The following ITGB4 variants were observed in gnomAD, a reference collection of about 807,000 sequenced individuals.
ITGB4 encodes integrin beta-4.
In ITGB4, 159 loss-of-function variants were observed where a neutral mutation model predicts 207.6. That is an observed-to-expected ratio of 0.77 (90% CI 0.67 to 0.87). The LOEUF (loss-of-function observed/expected upper bound fraction) is 0.87. Among genes scored for constraint, ITGB4 ranks in the 40% least tolerant of loss-of-function variants. The pLI is 0.00. For synonymous variants in ITGB4, 1,020 were observed against 1,062.7 expected, an observed-to-expected ratio of 0.96 and a Z score of 0.78; for missense variants, 2,278 against 2,546.8, an observed-to-expected ratio of 0.89 and a Z score of 2.27.
chr17:75,750,973 G>A lies in ITGB4; in HGVS notation c.3656-1G>A. 6.2e-7 allele frequency: 1 copy of A among 1,613,664 alleles called. No homozygotes were observed. The highest frequency in any genetic ancestry group is 8.5e-7 in the Non-Finnish European group (1 of 1,180,026). On this transcript the variant is annotated splice_acceptor_variant, in intron 29 of 39. Transcript: ENST00000200181. LOFTEE classifies it high-confidence loss of function. This position sits in a 1 kb window ranked among gnomAD's most constrained non-coding sequence, Gnocchi z 5.5. ...CTCTTCCTGTATTCCCCGCTCCCTA[G>A]TGCCCAGCGAGCCAGGGCGTCTGGC...
chr17:75,745,605 G>A (rs942508143), intron 26 of ITGB4, among the ~76,000 whole-genome samples: 19 of 152,030 alleles, frequency 1.2e-4, no homozygotes, highest in African/African-American at 4.3e-4. Flanking sequence ...AAGGCCAGGC[G>A]AGGTGGCGTA....
rs746768965 is a variant in ITGB4, at chr17:75,752,591, T to C, written c.4108+14T>C. 3 of 1,613,272 alleles carry C rather than the reference T, an allele frequency of 1.9e-6. No individual in the cohort carries two copies. Among genetic ancestry groups the C allele is most frequent in the Non-Finnish European group, 1.7e-6 (2 of 1,179,890 alleles). On this transcript the variant is annotated intron_variant, in intron 32 of 39. Coordinates refer to ENST00000200181, the MANE Select transcript of ITGB4 (RefSeq NM_000213.5). Reference sequence around the variant, plus strand: ...CCGATGACACTGGTGAGTGGAGACCTGGGACCCACAAGAGGACAGTGGGGG... The same window carrying C: ...CCGATGACACTGGTGAGTGGAGACCCGGGACCCACAAGAGGACAGTGGGGG...
chr17:75,747,914 C>T (rs938495794), intron 26 of ITGB4, among the ~76,000 whole-genome samples: 1 of 152,182 alleles, frequency 6.6e-6, no homozygotes, highest in African/African-American at 2.4e-5. Flanking sequence ...GTCTCACTTT[C>T]TGAGTTGGGT....
chr17:75,744,047 C>CA (rs1297620610), intron 26 of ITGB4, among the ~76,000 whole-genome samples, 186 bp downstream of exon 26: 11 of 151,994 alleles, frequency 7.2e-5, no homozygotes, highest in Admixed American at 6.5e-5. Flanking sequence ...TCTCACCTGC[C>CA]CAGGGTGCCA....
Position 75,740,553 on chromosome 17 carries a change from A to T in ITGB4, c.2550+92A>T. 1 of 1,126,612 alleles carries T rather than the reference A, an allele frequency of 8.9e-7. No homozygotes were observed. The highest frequency in any genetic ancestry group is 1.9e-5 in the Admixed American group (1 of 53,526). The allele number at this position is 1,126,612 out of a possible 1,614,324, so 69.8% of individuals were successfully genotyped here. On this transcript the variant is annotated intron_variant, in intron 21 of 39. Coordinates refer to ENST00000200181, the MANE Select transcript of ITGB4 (RefSeq NM_000213.5). The surrounding 1 kb of genome is among the most constrained non-coding windows in gnomAD (Gnocchi z 5.9). ...GAGCGAATGCGGTCGTGGTACCGAG[A>T]TTCATTAACTAGGGGAGAGGGGTCT...
Position 75,740,780 on chromosome 17 carries a change from C to T in ITGB4, c.2551-13C>T. 2 of 1,612,762 alleles carry T rather than the reference C, an allele frequency of 1.2e-6. No individual in the cohort carries two copies. The highest frequency in any genetic ancestry group is 1.7e-6 in the Non-Finnish European group (2 of 1,179,892). ...GCCTAGGCCCAGCCTCACGCCCCTC[C>T]CTTGCCTGGCAGCTGAACGAGGTCT... On this transcript the variant is annotated splice_polypyrimidine_tract_variant and intron_variant, in intron 21 of 39. Transcript: ENST00000200181. The surrounding 1 kb of genome is among the most constrained non-coding windows in gnomAD (Gnocchi z 5.9).
At chr17:75,743,482 C>T (rs2061163178) in intron 25 of ITGB4, among the ~76,000 whole-genome samples, 1 of 152,224 alleles carries the variant, frequency 6.6e-6, no homozygotes, top group Admixed American at 6.5e-5. Flanking sequence ...ATCCACCTGC[C>T]TCAGCCTCCC....
At chr17:75,734,540 A>T (rs931082328) in intron 13 of ITGB4, among the ~76,000 whole-genome samples, 1 of 152,182 alleles carries the variant, frequency 6.6e-6, no homozygotes, top group East Asian at 1.9e-4. Flanking sequence ...CTGGCCAGGA[A>T]CATCAGAGCT....
In ITGB4 at chr17:75,732,311, G is replaced by A; in HGVS notation, c.1454+72G>A. 2.7e-6 allele frequency: 4 copies of A among 1,459,302 alleles called. No homozygotes were observed. The highest frequency in any genetic ancestry group is 2.3e-5 in the East Asian group (1 of 44,126). The allele number at this position is 1,459,302 out of a possible 1,614,324, so 90.4% of individuals were successfully genotyped here. ...ATGGGAAAGCTGGGCTCCTGCAGGGGCCTGGCCCTGGGTGCACCTTGTACA... is the reference window on the plus strand; with the variant it reads ...ATGGGAAAGCTGGGCTCCTGCAGGGACCTGGCCCTGGGTGCACCTTGTACA... On this transcript the variant is annotated intron_variant, in intron 12 of 39. Coordinates refer to ENST00000200181, the MANE Select transcript of ITGB4 (RefSeq NM_000213.5). The surrounding 1 kb of genome is among the most constrained non-coding windows in gnomAD (Gnocchi z 5.3).
intron 34 of ITGB4, chr17:75,755,248 G>T: frequency 6.3e-7 from 1 of 1,585,486 alleles, no homozygotes. Flanking sequence ...CTCCACAGCT[G>T]TCCTGCTCCA....
intron 13 of ITGB4, among the ~76,000 whole-genome samples, chr17:75,734,993 C>T (rs554303937): frequency 3.3e-5 from 5 of 152,332 alleles, no homozygotes; most frequent in South Asian, 2.1e-4. Flanking sequence ...CCTTGCTAAA[C>T]GCACTTATGA....
At chr17:75,746,038 T>C (rs1188611153) in intron 26 of ITGB4, among the ~76,000 whole-genome samples, 1 of 152,154 alleles carries the variant, frequency 6.6e-6, no homozygotes, top group Non-Finnish European at 1.5e-5. Context: ...GGAACTGTTC[T>C]CATTATTTTT....
chr17:75,755,981 TGA>T lies in ITGB4; in HGVS notation c.4708+135_4708+136del, dbSNP rs1400113375. On this transcript the variant is annotated intron_variant, in intron 35 of 39. Coordinates refer to ENST00000200181, the MANE Select transcript of ITGB4 (RefSeq NM_000213.5). ...TGAGCGCTAAAGCCCCCATCCAGCC[TGA>T]GAGGGTCTCCCACCCCATTCTCCAC... 18 of 1,131,742 alleles carry T rather than the reference TGA, an allele frequency of 1.6e-5. No individual in the cohort carries two copies. In the East Asian group the frequency reaches 4.4e-4, roughly 28 times the overall value. 70.1% of individuals were successfully genotyped at this position (1,131,742 alleles called of 1,614,324 possible).
In ITGB4 at chr17:75,727,436, G is replaced by A. The variant is rs372797886; in HGVS notation, c.195G>A (p.Ala65=). 2.5e-5 allele frequency: 41 copies of A among 1,613,850 alleles called. No individual in the cohort carries two copies. The highest frequency in any genetic ancestry group is 3.3e-5 in the South Asian group (3 of 91,092). Reference sequence around the variant, plus strand: ...GGGACCGGCGCTGCAACACCCAGGCGGAGCTGCTGGCCGCGGGCTGCCAGC... The same window carrying A: ...GGGACCGGCGCTGCAACACCCAGGCAGAGCTGCTGGCCGCGGGCTGCCAGC... ...MFRDRRCNTQ[A]ELLAAGCQRE... The change falls in exon 4 of 40, where the codon GCG becomes GCA. Residue 65 remains alanine (A), a synonymous_variant. Transcript: ENST00000200181. The surrounding 1 kb of genome is among the most constrained non-coding windows in gnomAD (Gnocchi z 6.0).
rs757228029 is a variant in ITGB4, at chr17:75,733,649, T to G, written c.1614T>G (p.Tyr538Ter). The G allele has an allele frequency of 1.9e-6, 3 of 1,614,204 alleles. No individual in the cohort carries two copies. The highest frequency in any genetic ancestry group is 2.5e-6 in the Non-Finnish European group (3 of 1,180,030). Residue 538 changes from tyrosine to a stop codon, truncating the protein, a stop_gained, in exon 13 of 40, where the codon TAT becomes TAG. Transcript: ENST00000200181. LOFTEE classifies it high-confidence loss of function. ...GCTACGAGGGTCAGTTCTGCGAGTA[T>G]GACAACTTCCAGTGTCCCCGCACTT... ...EGRYEGQFCE[Y>*]DNFQCPRTSG...
chr17:75,730,502 G>A lies in ITGB4; in HGVS notation c.1000G>A (p.Glu334Lys), dbSNP rs1247780663. ...CACCAACTACTCCTATAGCTACTAC[G>A]AGGTGCGGGGCCCAGGTCCCACGGG... is the stretch of plus-strand genomic sequence containing the variant. The part of the protein sequence containing the change: ...AVTNYSYSYY[E>K]KLHTYFPVSS... The change falls in exon 8 of 40, where the codon GAG becomes AAG. Residue 334 changes from glutamate to lysine, a missense_variant and splice_region_variant. Transcript: ENST00000200181. 14 of 1,613,632 alleles carry A rather than the reference G, an allele frequency of 8.7e-6. No homozygotes were observed. Among genetic ancestry groups the A allele is most frequent in the Admixed American group, 1.7e-5 (1 of 60,018 alleles).
Position 75,756,945 on chromosome 17 carries a change from C to T in ITGB4, c.5056C>T (p.Pro1686Ser), listed in dbSNP as rs763845630. Residue 1686 changes from proline (P) to serine (S), a missense_variant and splice_region_variant, in exon 38 of 40, where the codon CCA becomes TCA. Physicochemically the swap from Pro to Ser is moderately conservative, Grantham distance 74. Transcript: ENST00000200181. ...VTCEMAQGGG[P>S]ATAFRVDGDS... ...CTGAAGGCATCTTCCCTGCTCAGGG[C>T]CAGCCACCGCATTCCGGGTGGATGG... 1.2e-6 allele frequency: 2 copies of T among 1,612,506 alleles called. No individual in the cohort carries two copies. The highest frequency in any genetic ancestry group is 1.7e-6 in the Non-Finnish European group (2 of 1,179,920).
chr17:75,728,311 G>C (rs936964631), intron 5 of ITGB4, 66 bp from the exon 6 acceptor site: 2 of 1,377,972 alleles, frequency 1.5e-6, no homozygotes, highest in East Asian at 4.6e-5. Flanking sequence ...AGCCCTTGGT[G>C]GGGGGCCCGT....
chr17:75,754,442 T>C (rs569858334), intron 33 of ITGB4, 134 bp from the exon 34 acceptor site: 4 of 1,118,094 alleles, frequency 3.6e-6, no homozygotes, highest in East Asian at 2.4e-5. Flanking sequence ...CCCTAGTGGT[T>C]TGAGGGAAAC....
Sources: gnomAD v4.1 joint callset for allele counts (sites outside exome capture counted in the v4.1 genomes callset) on GRCh38, gnomAD v4.1.1 for gene constraint, Gnocchi (gnomAD v3.1) non-coding constraint, MANE v1.5 for transcripts, NCBI Gene and HGNC (gene_info 2026-07-23, HGNC 2026-07-21) for gene names.